PAIP2: variants seen among roughly 807,000 people sequenced by gnomAD.
PAIP2 encodes the protein polyadenylate-binding protein-interacting protein 2.
In PAIP2, 7 loss-of-function variants were observed where a neutral mutation model predicts 14.8. That is an observed-to-expected ratio of 0.47 (90% CI 0.27 to 0.89). The LOEUF (loss-of-function observed/expected upper bound fraction) is 0.89. Among genes scored for constraint, PAIP2 ranks in the 40% least tolerant of loss-of-function variants. The pLI, the probability that PAIP2 is intolerant of heterozygous loss-of-function variation, is 0.13. For synonymous variants in PAIP2, 47 were observed against 45.3 expected, an observed-to-expected ratio of 1.04 and a Z score of -0.15; for missense variants, 122 against 154.7, an observed-to-expected ratio of 0.79 and a Z score of 1.12.
intron 1 of PAIP2, among the ~76,000 whole-genome samples, chr5:139,350,479 A>G (rs1449355296): frequency 6.6e-6 from 1 of 151,760 alleles, no homozygotes; most frequent in African/African-American, 2.4e-5. Flanking sequence ...AAAAATGCAA[A>G]AATTAGTGTG....
intron 3 of PAIP2, chr5:139,367,322 T>C (rs1030257154): frequency 6.6e-5 from 10 of 152,188 alleles, no homozygotes; most frequent in Admixed American, 4.6e-4. Flanking sequence ...TTTCTTTTTA[T>C]TTTTTTCAAC....
At chr5:139,364,428 A>T (rs1314434356) in intron 2 of PAIP2, 136 bp from the exon 3 acceptor site, 3 of 548,560 alleles carry the variant, frequency 5.5e-6, no homozygotes, top group Non-Finnish European at 9.5e-6. Context: ...TATGGTAAGC[A>T]TTTTTTTTCC....
intron 1 of PAIP2, among the ~76,000 whole-genome samples, chr5:139,351,763 A>G (rs1756741619): frequency 6.6e-6 from 1 of 151,948 alleles, no homozygotes; most frequent in African/African-American, 2.4e-5. Context: ...GGTTCAAGTA[A>G]TCCTCCTGTC....
chr5:139,346,240 T>A (rs897993379), intron 1 of PAIP2, among the ~76,000 whole-genome samples: 2 of 152,328 alleles, frequency 1.3e-5, no homozygotes, highest in Middle Eastern at 3.4e-3. Flanking sequence ...ACAGGATTTT[T>A]AAATTTTTAT....
chr5:139,353,248 A>G (rs570306599), intron 1 of PAIP2, among the ~76,000 whole-genome samples: 1 of 152,070 alleles, frequency 6.6e-6, no homozygotes, highest in East Asian at 1.9e-4. Flanking sequence ...CTTAAAAGTC[A>G]TTCAAGCAAA....
At chr5:139,352,296 T>G (rs1282945172) in intron 1 of PAIP2, among the ~76,000 whole-genome samples, 1 of 152,026 alleles carries the variant, frequency 6.6e-6, no homozygotes, top group Non-Finnish European at 1.5e-5. Context: ...ATTAAGCTAG[T>G]TTTTCTGAGT....
chr5:139,356,339 G>A (rs974310522), intron 1 of PAIP2, among the ~76,000 whole-genome samples: 10 of 151,388 alleles, frequency 6.6e-5, no homozygotes, highest in African/African-American at 2.4e-4. Flanking sequence ...CCAGCTACTC[G>A]GGAGGCTGAG....
At chr5:139,360,071 A>T (rs1166389117) in intron 1 of PAIP2, among the ~76,000 whole-genome samples, 2 of 151,688 alleles carry the variant, frequency 1.3e-5, no homozygotes, top group Admixed American at 1.3e-4. Flanking sequence ...GGTTCAAGCG[A>T]TTCTTCTGCC....
chr5:139,362,400 T>G (rs1463309480), intron 1 of PAIP2, among the ~76,000 whole-genome samples: 8 of 143,414 alleles, frequency 5.6e-5, no homozygotes, highest in Admixed American at 2.1e-4. Context: ...TTTTTGTTTT[T>G]GGGTGTTTTT....
chr5:139,366,429 C>G (rs1757253650), intron 3 of PAIP2, among the ~76,000 whole-genome samples: 1 of 152,076 alleles, frequency 6.6e-6, no homozygotes, highest in African/African-American at 2.4e-5. Flanking sequence ...AGCCAACTTG[C>G]CTGAGTCGGT....
rs1350030548 is a variant in PAIP2, at chr5:139,348,424, A to G, written c.-27+6444A>G. Among the ~76,000 whole-genome samples the G allele has an allele frequency of 2.7e-5, 4 of 150,378 alleles. No homozygotes were observed. The South Asian group carries it at 8.4e-4, about 32-fold the overall frequency. On this transcript the variant is annotated intron_variant, in intron 1 of 3. Transcript: ENST00000265192. ...AGTTGGAGTGCAGTGGCGTAGTCTC[A>G]GCTGACTGCAAGCTCTGCCTCCCGG...
At position 139,369,238 on chromosome 5, in the gene PAIP2, C is replaced by T. The variant is rs1757498013; in HGVS notation, c.*440C>T. 6.5e-6 allele frequency: 1 copy of T among 153,598 alleles called. No individual in the cohort carries two copies. Among genetic ancestry groups the T allele is most frequent in the Non-Finnish European group, 1.5e-5 (1 of 68,814 alleles). 9.5% of individuals were successfully genotyped at this position (153,598 alleles called of 1,614,324 possible). ...AAAAGAATCTCCATTTTCTGAAGGT[C>T]TGTTAGTTAATTTGAGATAATTTGT... On this transcript the variant is annotated 3_prime_UTR_variant, in exon 4 of 4. Coordinates refer to ENST00000265192, the MANE Select transcript of PAIP2 (RefSeq NM_016480.5).
At chr5:139,353,744 G>T (rs1756823470) in intron 1 of PAIP2, among the ~76,000 whole-genome samples, 1 of 147,474 alleles carries the variant, frequency 6.8e-6, no homozygotes, top group African/African-American at 2.5e-5. Flanking sequence ...TTAAGGCAGA[G>T]TCTCACTGTT....
chr5:139,352,304 A>T (rs557132136), intron 1 of PAIP2, among the ~76,000 whole-genome samples: 2 of 151,870 alleles, frequency 1.3e-5, no homozygotes, highest in East Asian at 3.9e-4. Flanking sequence ...AGTTTTTCTG[A>T]GTTAGTCTTG....
rs70982774 is a variant in PAIP2, at chr5:139,356,889, GAAA to G, written c.-26-6853_-26-6851del. 4.5e-3 allele frequency among the ~76,000 whole-genome samples: 503 copies of G among 112,332 alleles called. 5 individuals carry two copies. The highest frequency in any genetic ancestry group is 0.012 in the South Asian group (48 of 3,904). The allele number at this position is 112,332 out of a possible 152,430, so 73.7% of individuals were successfully genotyped here. A position where few individuals can be genotyped will look rare whatever the true frequency, so the allele number is the denominator to read the frequency against. ...GTGACAGAGCAAGACTCTGTCTCCA[GAAA>G]AAAAAAAAAAAAAAAAGACATTTTG... is the stretch of plus-strand genomic sequence containing the variant. On this transcript the variant is annotated intron_variant, in intron 1 of 3. Transcript: ENST00000265192.
intron 1 of PAIP2, among the ~76,000 whole-genome samples, chr5:139,360,167 A>G (rs755232510): frequency 6.6e-5 from 10 of 151,530 alleles, no homozygotes; most frequent in Non-Finnish European, 1.5e-4. Flanking sequence ...GGATTTCACC[A>G]TATTGGCCAG....
intron 1 of PAIP2, among the ~76,000 whole-genome samples, chr5:139,363,241 A>C (rs576854931): frequency 1.4e-5 from 2 of 146,130 alleles, no homozygotes; most frequent in East Asian, 4.1e-4. Flanking sequence ...ACTCTATCTC[A>C]AAAAAAAAAA....
At position 139,363,773 on chromosome 5, in the gene PAIP2, C is replaced by G. The variant is rs375110036; in HGVS notation, c.-12C>G. On this transcript the variant is annotated 5_prime_UTR_variant, in exon 2 of 4. Coordinates refer to ENST00000265192, the MANE Select transcript of PAIP2 (RefSeq NM_016480.5). Reference sequence around the variant, plus strand: ...GTTCTTTTAAGGTTAAAAACGACAACCAACATCAGCCATGAAAGATCCAAG... The same window carrying G: ...GTTCTTTTAAGGTTAAAAACGACAAGCAACATCAGCCATGAAAGATCCAAG... 1.1e-5 allele frequency: 17 copies of G among 1,611,646 alleles called. No homozygotes were observed. The African/African-American group carries it at 2.1e-4, about 20-fold the overall frequency.
chr5:139,368,809 C>T lies in PAIP2; in HGVS notation c.*11C>T, dbSNP rs200465674. 18 of 1,596,622 alleles carry T rather than the reference C, an allele frequency of 1.1e-5. No individual in the cohort carries two copies. In the Admixed American group the frequency reaches 2.3e-4, roughly 21 times the overall value. Reference sequence around the variant, plus strand: ...TACGGAAATATTTGAGTAGACGGGGCCCTCTTTTGGTGGATGTAGCACAAT... The same window carrying T: ...TACGGAAATATTTGAGTAGACGGGGTCCTCTTTTGGTGGATGTAGCACAAT... On this transcript the variant is annotated 3_prime_UTR_variant, in exon 4 of 4. Transcript: ENST00000265192.
Sources: allele counts gnomAD v4.1 joint callset (sites outside exome capture counted in the v4.1 genomes callset), GRCh38; gene constraint gnomAD v4.1.1; transcripts MANE v1.5; gene names NCBI Gene and HGNC (gene_info 2026-07-23, HGNC 2026-07-21).